The following POLD1 variants were observed in gnomAD, a reference collection of about 807,000 sequenced individuals.
The protein encoded by POLD1 is DNA polymerase delta 1, catalytic subunit.
A neutral mutation model predicts 129.7 loss-of-function variants in POLD1; 79 were observed. The observed-to-expected ratio is 0.61, with a 90% CI of 0.51 to 0.73. POLD1 has a LOEUF of 0.73. Ranked by LOEUF, POLD1 falls within the 30% of genes least tolerant of loss-of-function variation. The pLI is 0.00. For missense variants in POLD1, 1,338 were observed against 1,595.8 expected (o/e 0.84, Z 2.75); for synonymous variants, 714 against 683.3 (o/e 1.04, Z -0.70).
In POLD1 at chr19:50,410,657, T is replaced by C. The variant is rs1164415663; in HGVS notation, c.2154+991T>C. Among the ~76,000 whole-genome samples the C allele has an allele frequency of 8.5e-5, 13 of 152,186 alleles. 1 individual carries two copies. The highest frequency in any genetic ancestry group is 4.4e-5 in the Non-Finnish European group (3 of 68,032). ...GGAGGGACCAGGCGTGTCTTCCAGT[T>C]GTGCTCTCCCAGTAGAGTTGCCAGG... is the stretch of plus-strand genomic sequence containing the variant. On this transcript the variant is annotated intron_variant, in intron 17 of 26. Transcript: ENST00000440232.
At chr19:50,415,859 GC>G in intron 22 of POLD1, 33 bp downstream of exon 22, 1 of 1,376,040 alleles carries the variant, frequency 7.3e-7, no homozygotes, top group Non-Finnish European at 9.7e-7. Context: ...CTCCCGCCCA[GC>G]CCCCTCGCTC....
At chr19:50,417,144 C>T (rs752802716) in intron 25 of POLD1, 28 bp from the exon 26 acceptor site, 12 of 1,572,734 alleles carry the variant, frequency 7.6e-6, no homozygotes, top group East Asian at 4.7e-5. Context: ...GAGGCGGGGG[C>T]GCCCTGCTCA....
chr19:50,396,932 C>G (rs2038389637), intron 1 of POLD1, among the ~76,000 whole-genome samples: 1 of 148,314 alleles, frequency 6.7e-6, no homozygotes, highest in South Asian at 2.1e-4. Flanking sequence ...CCTGTCTCTA[C>G]TAAAATACAA....
At chr19:50,402,910 G>A in intron 8 of POLD1, 143 bp from the exon 9 acceptor site, 5 of 1,329,588 alleles carry the variant, frequency 3.8e-6, no homozygotes, top group Non-Finnish European at 5.1e-6. Context: ...TGGCCTGGAG[G>A]TGAGAGCAGA....
At position 50,409,857 on chromosome 19, in the gene POLD1, C is replaced by G. The variant is rs1237156680; in HGVS notation, c.2154+191C>G. Among the ~76,000 whole-genome samples, 1 of 152,252 alleles carries G rather than the reference C, an allele frequency of 6.6e-6. No homozygotes were observed. The highest frequency in any genetic ancestry group is 1.5e-5 in the Non-Finnish European group (1 of 68,040). ...ACTCAGCAAATGCCTACTGAGCACA[C>G]ACTGTGGTCAGGGCTCACTCTGTGC... On this transcript the variant is annotated intron_variant, in intron 17 of 26. Transcript: ENST00000440232. The surrounding 1 kb of genome is among the most constrained non-coding windows in gnomAD (Gnocchi z 5.8).
At position 50,409,024 on chromosome 19, in the gene POLD1, G is replaced by A; in HGVS notation, c.1893-98G>A. 1 of 1,315,514 alleles carries A rather than the reference G, an allele frequency of 7.6e-7. No homozygotes were observed. The highest frequency in any genetic ancestry group is 1.1e-6 in the Non-Finnish European group (1 of 922,846). 81.5% of individuals were successfully genotyped at this position (1,315,514 alleles called of 1,614,324 possible). A position where few individuals can be genotyped will look rare whatever the true frequency, so the allele number is the denominator to read the frequency against. On this transcript the variant is annotated intron_variant, in intron 15 of 26. Coordinates refer to ENST00000440232, the MANE Select transcript of POLD1 (RefSeq NM_002691.4). The surrounding 1 kb of genome is among the most constrained non-coding windows in gnomAD (Gnocchi z 5.8). ...AGTAGGGAGTGGAGGGGTGCTTGAG[G>A]GGCCTGCGTGTGCTCATGGCCAAGG...
rs2038902575 is a variant in POLD1, at chr19:50,406,795, C to T, written c.1495-188C>T. ...CTGCTCCCTCCTCCTCCCTCTGGCC[C>T]TGTGGACTCCCTGGCCCCCAACCCT... On this transcript the variant is annotated intron_variant, in intron 12 of 26. Coordinates refer to ENST00000440232, the MANE Select transcript of POLD1 (RefSeq NM_002691.4). This position sits in a 1 kb window ranked among gnomAD's most constrained non-coding sequence, Gnocchi z 5.5. Among the ~76,000 whole-genome samples, 2 of 152,100 alleles carry T rather than the reference C, an allele frequency of 1.3e-5. No individual in the cohort carries two copies. The highest frequency in any genetic ancestry group is 2.4e-5 in the African/African-American group (1 of 41,410).
chr19:50,406,386 C>T lies in POLD1; in HGVS notation c.1384-21C>T, dbSNP rs749499543. The T allele has an allele frequency of 3.1e-6, 5 of 1,607,578 alleles. No homozygotes were observed. The South Asian group carries it at 5.5e-5, about 18-fold the overall frequency. ...GGCCACTGCCCAGGCCCGCAGCCCA[C>T]CAGCCCACCCACCCACCTAGGTGCT... On this transcript the variant is annotated intron_variant, in intron 11 of 26. Transcript: ENST00000440232. The surrounding 1 kb of genome is among the most constrained non-coding windows in gnomAD (Gnocchi z 5.5).
At chr19:50,410,493 C>T (rs1325263026) in intron 17 of POLD1, among the ~76,000 whole-genome samples, 1 of 152,104 alleles carries the variant, frequency 6.6e-6, no homozygotes, top group African/African-American at 2.4e-5. Context: ...TTCTGGGGGT[C>T]CCAAAGACCA....
intron 17 of POLD1, among the ~76,000 whole-genome samples, chr19:50,412,713 TTGG>T (rs149765706): frequency 0.065 from 9,871 of 151,198 alleles, 1,048 homozygotes; most frequent in African/African-American, 0.22. Context: ...AGCCTCAGGT[TTGG>T]TGGTGGTGGT....
At chr19:50,405,682 C>T (rs2038849553) in intron 10 of POLD1, among the ~76,000 whole-genome samples, 1 of 152,174 alleles carries the variant, frequency 6.6e-6, no homozygotes, top group African/African-American at 2.4e-5. Context: ...CCTCCCCTTC[C>T]CTGGGTGTCC....
intron 22 of POLD1, 56 bp downstream of exon 22, chr19:50,415,882 T>C: frequency 2.4e-6 from 3 of 1,273,816 alleles, no homozygotes; most frequent in Non-Finnish European, 2.1e-6. Context: ...CACTTCTGCT[T>C]TCCGAGATGG....
intron 1 of POLD1, among the ~76,000 whole-genome samples, chr19:50,396,877 C>G (rs555231373): frequency 6.6e-6 from 1 of 150,930 alleles, no homozygotes; most frequent in South Asian, 2.1e-4. Context: ...AGGTGGATCA[C>G]CTGAGGTCAG....
rs776152622 is a variant in POLD1, at chr19:50,417,965, G to T, written c.*18G>T. 6.2e-6 allele frequency: 9 copies of T among 1,446,450 alleles called. No homozygotes were observed. The South Asian group carries it at 8.2e-5, about 13-fold the overall frequency. The allele number at this position is 1,446,450 out of a possible 1,614,324, so 89.6% of individuals were successfully genotyped here. On this transcript the variant is annotated 3_prime_UTR_variant, in exon 27 of 27. Coordinates refer to ENST00000440232, the MANE Select transcript of POLD1 (RefSeq NM_002691.4). ...CCTGGTGACCTTGCAAGCATCCCATGGGGCGGGGGCGGGACCAGGGAGAAT... is the reference window on the plus strand; with the variant it reads ...CCTGGTGACCTTGCAAGCATCCCATTGGGCGGGGGCGGGACCAGGGAGAAT...
chr19:50,387,248 C>T (rs1005599318), intron 1 of POLD1, among the ~76,000 whole-genome samples: 6 of 151,918 alleles, frequency 3.9e-5, no homozygotes, highest in Admixed American at 3.3e-4. Context: ...GTCCAGGAGG[C>T]GGAGGTTGCA....
Position 50,417,790 on chromosome 19 carries a change from C to A in POLD1, c.3219-52C>A, listed in dbSNP as rs3219455. The A allele has an allele frequency of 4.9e-3, 5,694 of 1,164,532 alleles. 221 individuals are homozygous for A. In the African/African-American group the frequency reaches 0.077, roughly 16 times the overall value. 72.1% of individuals were successfully genotyped at this position (1,164,532 alleles called of 1,614,324 possible). ...GAACAGCCCCCACCCCTCTCCCAGGCTGGGCACTGGGCCTTGGCTGGTCCT... is the reference window on the plus strand; with the variant it reads ...GAACAGCCCCCACCCCTCTCCCAGGATGGGCACTGGGCCTTGGCTGGTCCT... On this transcript the variant is annotated intron_variant, in intron 26 of 26. Transcript: ENST00000440232.
chr19:50,411,789 G>A (rs1473740850), intron 17 of POLD1, among the ~76,000 whole-genome samples: 10 of 151,370 alleles, frequency 6.6e-5, no homozygotes, highest in Non-Finnish European at 7.4e-5. Context: ...GCAGTGAGCC[G>A]AGATTGCGCC....
At position 50,417,038 on chromosome 19, in the gene POLD1, C is replaced by T. The variant is rs998416705; in HGVS notation, c.3068-7C>T. On this transcript the variant is annotated splice_polypyrimidine_tract_variant and splice_region_variant and intron_variant, in intron 24 of 26. Coordinates refer to ENST00000440232, the MANE Select transcript of POLD1 (RefSeq NM_002691.4). ...CCCAGCACTTGGGCTGACCCGCCTC[C>T]CCACAGGAGCCGTGTGTGAGTTCTG... The T allele has an allele frequency of 6.5e-7, 1 of 1,549,668 alleles. No homozygotes were observed. Among genetic ancestry groups the T allele is most frequent in the Non-Finnish European group, 8.7e-7 (1 of 1,146,534 alleles).
intron 17 of POLD1, among the ~76,000 whole-genome samples, chr19:50,412,949 G>A (rs1224803441): frequency 6.6e-6 from 1 of 152,114 alleles, no homozygotes; most frequent in African/African-American, 2.4e-5. Context: ...GTTTCTCAAT[G>A]GTTTCTTAGT....
Sources: allele counts gnomAD v4.1 joint callset (sites outside exome capture counted in the v4.1 genomes callset), GRCh38; gene constraint gnomAD v4.1.1; non-coding constraint Gnocchi (gnomAD v3.1); transcripts MANE v1.5; gene names NCBI Gene and HGNC (gene_info 2026-07-23, HGNC 2026-07-21).